CSMD3: variants seen among roughly 807,000 people sequenced by gnomAD.
CSMD3 encodes the protein CUB and sushi domain-containing protein 3.
CSMD3 carries 177 observed loss-of-function variants against 435.2 expected under a neutral mutation model. The ratio of observed to expected loss-of-function variants is 0.41; its 90% CI spans 0.36 to 0.46. CSMD3 has a LOEUF of 0.46. CSMD3 is among the 20% of genes least tolerant of loss of function. CSMD3 has a pLI of 0.34. For missense variants in CSMD3, 4,265 were observed against 4,504.6 expected (o/e 0.95, Z 1.52); for synonymous variants, 1,656 against 1,520.5 (o/e 1.09, Z -2.07).
At chr8:112,459,358 TGGG>T (rs35526867) in intron 32 of CSMD3, among the ~76,000 whole-genome samples, 5 of 112,716 alleles carry the variant, frequency 4.4e-5, no homozygotes, top group African/African-American at 1.6e-4. Context: ...TGTGTGTGTG[TGGG>T]GGGGGGGGGT....
chr8:112,333,421 C>T (rs1013475562), intron 45 of CSMD3, among the ~76,000 whole-genome samples: 12 of 152,134 alleles, frequency 7.9e-5, no homozygotes, highest in African/African-American at 2.9e-4. Flanking sequence ...CCTGCCTTGG[C>T]CTCCCATAGT....
intron 64 of CSMD3, 99 bp from the exon 65 acceptor site, chr8:112,244,672 T>C (rs1249611028): frequency 1.3e-6 from 1 of 783,912 alleles, no homozygotes; most frequent in African/African-American, 1.7e-5. Flanking sequence ...TTCAATGCCT[T>C]TATATACATA....
At chr8:112,930,671 C>T (rs764120001) in intron 9 of CSMD3, among the ~76,000 whole-genome samples, 41 of 152,086 alleles carry the variant, frequency 2.7e-4, no homozygotes, top group Non-Finnish European at 4.9e-4. Flanking sequence ...TCTATAAAAT[C>T]CCATTTGATC....
chr8:112,748,405 T>C (rs895807436), intron 13 of CSMD3, among the ~76,000 whole-genome samples: 1 of 152,174 alleles, frequency 6.6e-6, no homozygotes, highest in Non-Finnish European at 1.5e-5. Flanking sequence ...TAAACAGGTG[T>C]CACAGGGGTT....
chr8:112,574,492 G>A (rs1443528784), intron 23 of CSMD3, among the ~76,000 whole-genome samples: 2 of 151,866 alleles, frequency 1.3e-5, no homozygotes, highest in Non-Finnish European at 2.9e-5. Flanking sequence ...AGAAATATGA[G>A]ATATCTAGAA....
intron 3 of CSMD3, among the ~76,000 whole-genome samples, chr8:113,276,482 T>C (rs1389548879): frequency 1.3e-5 from 2 of 152,060 alleles, no homozygotes; most frequent in Non-Finnish European, 2.9e-5. Context: ...TTAGGAGCTA[T>C]GGGCAGCCCC....
chr8:113,377,050 G>GGAGC (rs2094389333), intron 1 of CSMD3: 1 of 1,305,718 alleles, frequency 7.7e-7, no homozygotes, highest in Non-Finnish European at 9.9e-7. Context: ...GGAGCGGAGC[G>GGAGC]GGGCGCGGGG....
chr8:112,728,215 T>A (rs1021512014), intron 13 of CSMD3, among the ~76,000 whole-genome samples: 3 of 151,784 alleles, frequency 2.0e-5, no homozygotes, highest in Non-Finnish European at 4.4e-5. Flanking sequence ...GACAACCAAA[T>A]TTTTCAAGTA....
chr8:112,298,869 A>G (rs1820618104), intron 53 of CSMD3, among the ~76,000 whole-genome samples: 1 of 152,150 alleles, frequency 6.6e-6, no homozygotes, highest in Non-Finnish European at 1.5e-5. Flanking sequence ...TGTTGTGAGT[A>G]TTCAAGAGAA....
At position 112,527,425 on chromosome 8, in the gene CSMD3, A is replaced by G. The variant is rs144719951; in HGVS notation, c.4565-10200T>C. 3.6e-3 allele frequency among the ~76,000 whole-genome samples: 542 copies of G among 152,102 alleles called. 1 individual carries two copies. The highest frequency in any genetic ancestry group is 0.012 in the African/African-American group (519 of 41,570). On this transcript the variant is annotated intron_variant, in intron 27 of 70. Coordinates refer to ENST00000297405, the MANE Select transcript of CSMD3 (RefSeq NM_198123.2). ...GCAGCTCATAACATATCTTCAAAAC[A>G]CATGAGGCAAAAAATAAAAGTAAGA...
At chr8:113,064,723 G>C (rs2088779083) in intron 5 of CSMD3, among the ~76,000 whole-genome samples, 1 of 152,134 alleles carries the variant, frequency 6.6e-6, no homozygotes, top group Admixed American at 6.6e-5. Flanking sequence ...CAGGTTAGTA[G>C]CTTGGTTGAT....
intron 32 of CSMD3, among the ~76,000 whole-genome samples, chr8:112,452,533 A>T (rs563399750): frequency 7.0e-4 from 106 of 152,322 alleles, no homozygotes; most frequent in Middle Eastern, 6.8e-3. Context: ...CAGGGAAATG[A>T]CTATTTAATC....
intron 32 of CSMD3, among the ~76,000 whole-genome samples, chr8:112,410,616 G>GTATATATATATGTGTATATATATGTGTA (rs200328572): frequency 1.5e-5 from 1 of 67,590 alleles, no homozygotes; most frequent in African/African-American, 5.1e-5. Context: ...ATATATATAT[G>GTATATATATATGTGTATATATATGTGTA]TATATATATG....
chr8:113,097,169 AAATAC>A (rs1240538608), intron 5 of CSMD3, among the ~76,000 whole-genome samples: 7 of 152,188 alleles, frequency 4.6e-5, no homozygotes, highest in African/African-American at 1.7e-4. Context: ...AACGTTCACT[AAATAC>A]AATACTTTGT....
chr8:112,904,650 A>T (rs951955558), intron 10 of CSMD3, among the ~76,000 whole-genome samples: 1 of 151,370 alleles, frequency 6.6e-6, no homozygotes, highest in African/African-American at 2.4e-5. Context: ...TATTAGCTGA[A>T]GTGATCAATG....
At chr8:112,931,759 T>G (rs1329699544) in intron 9 of CSMD3, among the ~76,000 whole-genome samples, 1 of 151,994 alleles carries the variant, frequency 6.6e-6, no homozygotes, top group African/African-American at 2.4e-5. Context: ...AGCAATAATA[T>G]AAATAATCCC....
At chr8:113,391,192 A>G (rs1334921411) in intron 1 of CSMD3, among the ~76,000 whole-genome samples, 1 of 152,020 alleles carries the variant, frequency 6.6e-6, no homozygotes, top group East Asian at 1.9e-4. Context: ...AGATTAAGAA[A>G]CTAGGTAGGA....
At chr8:112,934,933 TG>T (rs939553063) in intron 9 of CSMD3, among the ~76,000 whole-genome samples, 1 of 152,186 alleles carries the variant, frequency 6.6e-6, no homozygotes, top group Non-Finnish European at 1.5e-5. Context: ...TTTCTGATTT[TG>T]TTTTTTTGCC....
At chr8:112,299,523 T>C (rs2130741640) in intron 53 of CSMD3, among the ~76,000 whole-genome samples, 1 of 152,210 alleles carries the variant, frequency 6.6e-6, no homozygotes, top group East Asian at 1.9e-4. Context: ...AGATATGTGA[T>C]AAGCAAATAT....
Sources: allele counts gnomAD v4.1 joint callset (sites outside exome capture counted in the v4.1 genomes callset), GRCh38; gene constraint gnomAD v4.1.1; transcripts MANE v1.5; gene names NCBI Gene and HGNC (gene_info 2026-07-23, HGNC 2026-07-21).